The following ASTN2 variants were observed in gnomAD, a reference collection of about 807,000 sequenced individuals.
The protein encoded by ASTN2 is astrotactin-2.
In ASTN2, 54 loss-of-function variants were observed where a neutral mutation model predicts 139.8. That is an observed-to-expected ratio of 0.39 (90% CI 0.31 to 0.48). The LOEUF is 0.48. Ranked by LOEUF, ASTN2 falls within the 20% of genes least tolerant of loss-of-function variation. The probability of loss-of-function intolerance (pLI) is 0.95; values close to 1 mark genes in which losing one functional copy is unlikely to be tolerated. For synonymous variants in ASTN2, 756 were observed against 719.5 expected, an observed-to-expected ratio of 1.05 and a Z score of -0.81; for missense variants, 1,565 against 1,725.1, an observed-to-expected ratio of 0.91 and a Z score of 1.64.
chr9:116,722,169 T>C (rs1828489509), intron 16 of ASTN2, among the ~76,000 whole-genome samples: 1 of 152,148 alleles, frequency 6.6e-6, no homozygotes, highest in South Asian at 2.1e-4. Flanking sequence ...TGATGAAATA[T>C]TGGGATACTA....
At chr9:117,139,667 T>A (rs2132854637) in intron 4 of ASTN2, among the ~76,000 whole-genome samples, 1 of 152,306 alleles carries the variant, frequency 6.6e-6, no homozygotes, top group Non-Finnish European at 1.5e-5. Flanking sequence ...AGGCCAGGAA[T>A]GTAAAATAAT....
At chr9:117,378,707 T>C (rs1830188279) in intron 1 of ASTN2, among the ~76,000 whole-genome samples, 1 of 152,214 alleles carries the variant, frequency 6.6e-6, no homozygotes, top group Admixed American at 6.5e-5. Flanking sequence ...CTCCACACTT[T>C]ATCCCTCCCA....
intron 22 of ASTN2, chr9:116,437,573 C>G (rs774696976): frequency 2.1e-6 from 1 of 471,050 alleles, no homozygotes; most frequent in Admixed American, 2.3e-5. Context: ...CCTGGAGGCT[C>G]ATAAAGGATT....
intron 3 of ASTN2, among the ~76,000 whole-genome samples, chr9:117,189,594 T>C (rs1348689565): frequency 6.6e-6 from 1 of 152,228 alleles, no homozygotes; most frequent in Non-Finnish European, 1.5e-5. Flanking sequence ...CTATTTTATA[T>C]ATATGATTTC....
intron 19 of ASTN2, chr9:116,610,769 T>A (rs1259016226): frequency 1.3e-5 from 2 of 152,094 alleles, no homozygotes; most frequent in Non-Finnish European, 2.9e-5. Flanking sequence ...ATATGAAAAT[T>A]CTAAATGTTT....
Position 116,895,499 on chromosome 9 carries a change from C to T in ASTN2, c.1890-31766G>A, listed in dbSNP as rs1390841745. Among the ~76,000 whole-genome samples, 5 of 152,084 alleles carry T rather than the reference C, an allele frequency of 3.3e-5. 1 individual carries two copies. Reference sequence around the variant, plus strand: ...ATTCATAAGAGGGTGGAAGTGGAAGCGGTCATGGTTTTGGCACAGGGGCAA... The same window carrying T: ...ATTCATAAGAGGGTGGAAGTGGAAGTGGTCATGGTTTTGGCACAGGGGCAA... On this transcript the variant is annotated intron_variant, in intron 10 of 22. Coordinates refer to ENST00000313400, the MANE Select transcript of ASTN2 (RefSeq NM_001365068.1).
intron 7 of ASTN2, among the ~76,000 whole-genome samples, chr9:116,988,066 G>A (rs924899826): frequency 6.6e-6 from 1 of 152,192 alleles, no homozygotes; most frequent in Admixed American, 6.5e-5. Context: ...TCAGACCGCA[G>A]TTGACTGTGG....
At chr9:117,280,940 C>T (rs1205960309) in intron 2 of ASTN2, among the ~76,000 whole-genome samples, 1 of 152,084 alleles carries the variant, frequency 6.6e-6, no homozygotes, top group South Asian at 2.1e-4. Context: ...TGGTGATTGC[C>T]TAATGGTGAT....
chr9:116,745,562 G>A (rs1352180160), intron 13 of ASTN2, among the ~76,000 whole-genome samples: 1 of 152,102 alleles, frequency 6.6e-6, no homozygotes, highest in Non-Finnish European at 1.5e-5. Context: ...TCCCATCTCA[G>A]ATTCAATGGT....
intron 2 of ASTN2, among the ~76,000 whole-genome samples, chr9:117,262,289 G>A (rs879709904): frequency 5.9e-5 from 9 of 151,964 alleles, no homozygotes; most frequent in Non-Finnish European, 8.8e-5. Context: ...CATAAGATAC[G>A]GTACTCAAAT....
intron 5 of ASTN2, among the ~76,000 whole-genome samples, chr9:117,043,919 A>AAAAAG (rs1564398706): frequency 4.1e-4 from 61 of 147,566 alleles, no homozygotes; most frequent in Admixed American, 4.8e-4. Context: ...AAAAAAAAAA[A>AAAAAG]AAAAGAAAAG....
intron 1 of ASTN2, among the ~76,000 whole-genome samples, chr9:117,308,545 CTCA>C: frequency 6.6e-6 from 1 of 152,254 alleles, no homozygotes; most frequent in South Asian, 2.1e-4. Flanking sequence ...TGGAATCCTC[CTCA>C]TTTCAAGTGC....
chr9:116,852,372 G>A (rs948887779), intron 11 of ASTN2, among the ~76,000 whole-genome samples: 1 of 152,172 alleles, frequency 6.6e-6, no homozygotes, highest in South Asian at 2.1e-4. Context: ...CCCAGTTACA[G>A]GGATGGGATT....
At chr9:117,039,782 G>A (rs1185120382) in intron 6 of ASTN2, 37 bp downstream of exon 6, 2 of 1,598,244 alleles carry the variant, frequency 1.3e-6, no homozygotes, top group East Asian at 4.5e-5. Context: ...GCAAGGTGCT[G>A]AGTGGGTGTG....
Position 116,723,033 on chromosome 9 carries a change from C to T in ASTN2, c.2806+2738G>A, listed in dbSNP as rs181714370. On this transcript the variant is annotated intron_variant, in intron 16 of 22. Transcript: ENST00000313400. Reference sequence around the variant, plus strand: ...AGAAAAAATTAGCCGGGCATGGTGGCGGGCGCCTGTAGTCCCAGCTACTCC... The same window carrying T: ...AGAAAAAATTAGCCGGGCATGGTGGTGGGCGCCTGTAGTCCCAGCTACTCC... Among the ~76,000 whole-genome samples, 369 of 152,068 alleles carry T rather than the reference C, an allele frequency of 2.4e-3. 1 individual carries two copies. The highest frequency in any genetic ancestry group is 9.0e-4 in the Non-Finnish European group (61 of 67,976).
chr9:117,047,596 CT>C (rs1224476895), intron 5 of ASTN2, among the ~76,000 whole-genome samples: 3 of 152,074 alleles, frequency 2.0e-5, no homozygotes, highest in African/African-American at 7.2e-5. Flanking sequence ...TCTAAACAGC[CT>C]TTGAATCTCA....
intron 13 of ASTN2, among the ~76,000 whole-genome samples, chr9:116,746,173 G>A (rs371550226): frequency 6.8e-6 from 1 of 146,728 alleles, no homozygotes; most frequent in Admixed American, 7.1e-5. Flanking sequence ...TGCAACTTCC[G>A]ACTCCTGGAT....
At chr9:117,123,419 C>G (rs1460731189) in intron 4 of ASTN2, among the ~76,000 whole-genome samples, 1 of 152,054 alleles carries the variant, frequency 6.6e-6, no homozygotes, top group African/African-American at 2.4e-5. Context: ...TGACATTAGA[C>G]AAGTGGGTCT....
intron 2 of ASTN2, among the ~76,000 whole-genome samples, chr9:117,263,684 TC>T (rs1392205893): frequency 6.6e-6 from 1 of 152,192 alleles, no homozygotes; most frequent in Non-Finnish European, 1.5e-5. Context: ...TTAAATCCTC[TC>T]AGTTTTTTCC....
Sources: allele counts gnomAD v4.1 joint callset (sites outside exome capture counted in the v4.1 genomes callset), GRCh38; gene constraint gnomAD v4.1.1; transcripts MANE v1.5; gene names NCBI Gene and HGNC (gene_info 2026-07-23, HGNC 2026-07-21).